Variants in LRRC49 observed in about 807,000 individuals in gnomAD.
LRRC49 encodes leucine rich repeat containing 49.
In LRRC49, 50 loss-of-function variants were observed where a neutral mutation model predicts 83.3. That is an observed-to-expected ratio of 0.60 (90% CI 0.48 to 0.76). LRRC49 has a LOEUF of 0.76. LRRC49 is among the 30% of genes least tolerant of loss of function. The pLI is 0.00. For missense variants in LRRC49, 704 were observed against 809.1 expected (o/e 0.87, Z 1.58); for synonymous variants, 286 against 283.3 (o/e 1.01, Z -0.10).
chr15:71,003,224 T>C (rs2141254218), intron 11 of LRRC49, among the ~76,000 whole-genome samples: 1 of 152,236 alleles, frequency 6.6e-6, no homozygotes, highest in Non-Finnish European at 1.5e-5. Context: ...CATGAGCCAC[T>C]GTGCCCAGCC....
At chr15:70,947,540 T>C (rs571509259) in intron 8 of LRRC49, among the ~76,000 whole-genome samples, 25 of 152,256 alleles carry the variant, frequency 1.6e-4, no homozygotes, top group African/African-American at 4.8e-4. Flanking sequence ...AGAATCACAG[T>C]CTGTCACTTA....
intron 15 of LRRC49, among the ~76,000 whole-genome samples, chr15:71,040,020 A>G (rs2039650711): frequency 6.6e-6 from 1 of 152,254 alleles, no homozygotes; most frequent in Non-Finnish European, 1.5e-5. Flanking sequence ...CCCCTTTTAA[A>G]AATATTGTCA....
chr15:70,859,429 C>G (rs2032731203), intron 1 of LRRC49: 1 of 738,938 alleles, frequency 1.4e-6, no homozygotes. Flanking sequence ...AGTCCCACAT[C>G]TCGGACATAT....
At chr15:70,928,854 C>T (rs934779692) in intron 7 of LRRC49, among the ~76,000 whole-genome samples, 5 of 152,312 alleles carry the variant, frequency 3.3e-5, no homozygotes, top group Admixed American at 1.3e-4. Context: ...CATGAGCCCC[C>T]GTGCCTGGCA....
intron 9 of LRRC49, among the ~76,000 whole-genome samples, chr15:70,970,724 T>G (rs1273291792): frequency 6.6e-6 from 1 of 152,174 alleles, no homozygotes. Context: ...AGGGTATATG[T>G]GTCCAGGAAT....
chr15:71,046,258 T>G (rs1400773924), intron 15 of LRRC49, among the ~76,000 whole-genome samples: 1 of 152,184 alleles, frequency 6.6e-6, no homozygotes, highest in Non-Finnish European at 1.5e-5. Context: ...TTTTAAGTTA[T>G]TTAAGAAATT....
chr15:71,027,804 CTT>C (rs1349895750), intron 14 of LRRC49, among the ~76,000 whole-genome samples: 9 of 152,284 alleles, frequency 5.9e-5, no homozygotes, highest in Non-Finnish European at 1.2e-4. Flanking sequence ...TATCCTGAGA[CTT>C]TGCTGAAAAG....
At chr15:71,009,589 C>T in intron 12 of LRRC49, 1 of 386,066 alleles carries the variant, frequency 2.6e-6, no homozygotes, top group Non-Finnish European at 4.6e-6. Context: ...AGGAGTCACC[C>T]AGAATTCAAT....
rs940373031 is a variant in LRRC49, at chr15:70,860,171, G to A, written c.-299+6702G>A. 1.2e-4 allele frequency: 78 copies of A among 673,874 alleles called. 1 individual carries two copies. Among genetic ancestry groups the A allele is most frequent in the Non-Finnish European group, 1.2e-4 (46 of 375,454 alleles). 41.7% of individuals were successfully genotyped at this position (673,874 alleles called of 1,614,324 possible). A position where few individuals can be genotyped will look rare whatever the true frequency, so the allele number is the denominator to read the frequency against. Reference sequence around the variant, plus strand: ...ACATCCTGCCTAAGTGAACAGACGCGGCAGCCCCTCCCATCCTACCCCTCC... The same window carrying A: ...ACATCCTGCCTAAGTGAACAGACGCAGCAGCCCCTCCCATCCTACCCCTCC... On this transcript the variant is annotated intron_variant, in intron 1 of 16. Coordinates refer to the LRRC49 transcript ENST00000544974.
chr15:70,876,489 T>G (rs2033154428), intron 2 of LRRC49, among the ~76,000 whole-genome samples: 1 of 152,138 alleles, frequency 6.6e-6, no homozygotes. Context: ...GCAGTGACAT[T>G]TCATCCAGTC....
chr15:70,989,341 C>CT (rs200091729), intron 11 of LRRC49, among the ~76,000 whole-genome samples: 2,165 of 151,810 alleles, frequency 0.014, 21 homozygotes, highest in Non-Finnish European at 0.021. Context: ...CGTTTCTATT[C>CT]TTTTTTTTCT....
chr15:70,989,912 C>T (rs1252856911), intron 11 of LRRC49, among the ~76,000 whole-genome samples: 5 of 152,164 alleles, frequency 3.3e-5, no homozygotes, highest in Non-Finnish European at 7.3e-5. Context: ...ACCCTGTTTG[C>T]CTGGGTACCA....
chr15:71,039,840 T>C (rs2039642977), intron 15 of LRRC49, among the ~76,000 whole-genome samples: 1 of 152,186 alleles, frequency 6.6e-6, no homozygotes, highest in Non-Finnish European at 1.5e-5. Flanking sequence ...ATCTACCAAC[T>C]TTTTAAGAAA....
intron 6 of LRRC49, among the ~76,000 whole-genome samples, chr15:70,914,757 C>CAAG (rs2034693622): frequency 6.6e-6 from 1 of 152,164 alleles, no homozygotes; most frequent in African/African-American, 2.4e-5. Flanking sequence ...AGATGTGCTT[C>CAAG]AAGAAGAATC....
intron 1 of LRRC49, among the ~76,000 whole-genome samples, chr15:70,855,104 C>A (rs952028644): frequency 1.3e-5 from 2 of 152,012 alleles, no homozygotes; most frequent in Non-Finnish European, 2.9e-5. Flanking sequence ...GAGGCCCAGG[C>A]GGGCGGATCA....
rs74021908 is a variant in LRRC49, at chr15:70,918,810, C to T, written c.568-240C>T. 2,185 of 367,322 alleles carry T rather than the reference C, an allele frequency of 5.9e-3. 52 individuals are homozygous for T. Among genetic ancestry groups the T allele is most frequent in the African/African-American group, 0.044 (2,068 of 47,162 alleles). 22.8% of individuals were successfully genotyped at this position (367,322 alleles called of 1,614,324 possible). A position where few individuals can be genotyped will look rare whatever the true frequency, so the allele number is the denominator to read the frequency against. Reference sequence around the variant, plus strand: ...AATGGACTCATTGACTATTTGATGACGTTTACGTCAAGTGTTTACTATGGT... The same window carrying T: ...AATGGACTCATTGACTATTTGATGATGTTTACGTCAAGTGTTTACTATGGT... On this transcript the variant is annotated intron_variant, in intron 6 of 15. Transcript: ENST00000260382.
At chr15:70,889,283 A>G (rs2033490351), upstream of LRRC49, among the ~76,000 whole-genome samples, 1 of 152,224 alleles carries the variant, frequency 6.6e-6, no homozygotes, top group African/African-American at 2.4e-5. Flanking sequence ...ATATGGATGA[A>G]TCTCAAAAAT....
At chr15:70,855,108 C>T (rs1300350555) in intron 1 of LRRC49, among the ~76,000 whole-genome samples, 2 of 151,988 alleles carry the variant, frequency 1.3e-5, no homozygotes, top group African/African-American at 4.8e-5. Flanking sequence ...CCCAGGCGGG[C>T]GGATCACGAG....
chr15:70,859,493 G>C, intron 1 of LRRC49: 1 of 691,810 alleles, frequency 1.4e-6, no homozygotes, highest in South Asian at 1.4e-5. Context: ...CAGCATCATT[G>C]CTGAGGTCAA....
Sources: allele counts gnomAD v4.1 joint callset (sites outside exome capture counted in the v4.1 genomes callset), GRCh38; gene constraint gnomAD v4.1.1; transcripts MANE v1.5; gene names NCBI Gene and HGNC (gene_info 2026-07-23, HGNC 2026-07-21).